The following FBXL2 variants were observed in gnomAD, a reference collection of about 807,000 sequenced individuals.
FBXL2 encodes the protein F-box/LRR-repeat protein 2.
A neutral mutation model predicts 69.2 loss-of-function variants in FBXL2; 38 were observed. That is an observed-to-expected ratio of 0.55 (90% CI 0.42 to 0.72). FBXL2 has a LOEUF of 0.72. Among genes scored for constraint, FBXL2 ranks in the 30% least tolerant of loss-of-function variants. The pLI is 0.00. For synonymous variants in FBXL2, 192 were observed against 201.3 expected, an observed-to-expected ratio of 0.95 and a Z score of 0.39; for missense variants, 354 against 520.3, an observed-to-expected ratio of 0.68 and a Z score of 3.11.
intron 1 of FBXL2, among the ~76,000 whole-genome samples, chr3:33,290,503 G>T (rs903764730): frequency 2.0e-5 from 3 of 152,176 alleles, no homozygotes; most frequent in African/African-American, 7.2e-5. Flanking sequence ...TGGATAAACA[G>T]AGAAAATTTC....
At chr3:33,314,535 T>C (rs1178230573) in intron 2 of FBXL2, among the ~76,000 whole-genome samples, 1 of 152,232 alleles carries the variant, frequency 6.6e-6, no homozygotes, top group Non-Finnish European at 1.5e-5. Flanking sequence ...ATAGTTAAAA[T>C]GTGGAATCTA....
chr3:33,341,693 G>A (rs1282318723), intron 2 of FBXL2, among the ~76,000 whole-genome samples: 1 of 151,882 alleles, frequency 6.6e-6, no homozygotes, highest in African/African-American at 2.4e-5. Context: ...AGCCGATCAT[G>A]GTGGTGGGTG....
intron 1 of FBXL2, among the ~76,000 whole-genome samples, chr3:33,286,343 C>T (rs1029287648): frequency 4.6e-5 from 7 of 152,214 alleles, no homozygotes; most frequent in Admixed American, 1.3e-4. Context: ...GCGGAGGCAT[C>T]AGAACAGCAA....
chr3:33,297,740 A>T lies in FBXL2; in HGVS notation c.65+15A>T, dbSNP rs1200878324. On this transcript the variant is annotated intron_variant, in intron 2 of 14. Transcript: ENST00000484457. ...CTTCTGTTAAGGTAAATGTAGATAAATTCTGGATGAAGAGTTTAGATCTGA... is the reference window on the plus strand; with the variant it reads ...CTTCTGTTAAGGTAAATGTAGATAATTTCTGGATGAAGAGTTTAGATCTGA... 5 of 1,452,714 alleles carry T rather than the reference A, an allele frequency of 3.4e-6. No homozygotes were observed. The highest frequency in any genetic ancestry group is 3.8e-6 in the Non-Finnish European group (4 of 1,046,432). 90.0% of individuals were successfully genotyped at this position (1,452,714 alleles called of 1,614,324 possible). A position where few individuals can be genotyped will look rare whatever the true frequency, so the allele number is the denominator to read the frequency against.
intron 1 of FBXL2, among the ~76,000 whole-genome samples, chr3:33,284,710 C>T (rs1040517241): frequency 2.0e-5 from 3 of 152,124 alleles, no homozygotes; most frequent in African/African-American, 7.2e-5. Flanking sequence ...TAAAGACTTG[C>T]TTTATGAATC....
intron 5 of FBXL2, among the ~76,000 whole-genome samples, chr3:33,369,153 G>A (rs957798200): frequency 2.6e-5 from 4 of 151,754 alleles, no homozygotes; most frequent in Non-Finnish European, 5.9e-5. Flanking sequence ...CTGGGTTCAA[G>A]CGATTCTCGT....
chr3:33,381,565 G>C (rs980552158), intron 13 of FBXL2, among the ~76,000 whole-genome samples: 5 of 151,502 alleles, frequency 3.3e-5, no homozygotes, highest in African/African-American at 1.2e-4. Context: ...TGGAGGTTGC[G>C]TTGAGCCGAG....
intron 2 of FBXL2, among the ~76,000 whole-genome samples, chr3:33,299,801 G>A (rs2036104304): frequency 6.6e-6 from 1 of 152,060 alleles, no homozygotes; most frequent in Non-Finnish European, 1.5e-5. Context: ...ATGTTCTTTG[G>A]CATTTTTGAC....
At chr3:33,396,979 G>T in intron 12 of FBXL2, 1 of 1,444,814 alleles carries the variant, frequency 6.9e-7, no homozygotes, top group Non-Finnish European at 9.7e-7. Context: ...AACACATTCT[G>T]CCCAAATTCC....
At chr3:33,381,464 G>A (rs1053471842) in intron 13 of FBXL2, among the ~76,000 whole-genome samples, 1 of 152,014 alleles carries the variant, frequency 6.6e-6, no homozygotes, top group African/African-American at 2.4e-5. Flanking sequence ...GACCAACATG[G>A]AGAAACCCCG....
At chr3:33,374,695 C>G (rs186770785) in intron 9 of FBXL2, among the ~76,000 whole-genome samples, 7 of 152,058 alleles carry the variant, frequency 4.6e-5, no homozygotes, top group Admixed American at 4.6e-4. Flanking sequence ...TATAGATGTG[C>G]GTGTTTATTT....
intron 2 of FBXL2, among the ~76,000 whole-genome samples, chr3:33,310,640 G>A (rs1175370393): frequency 1.3e-5 from 2 of 151,752 alleles, no homozygotes; most frequent in East Asian, 1.9e-4. Context: ...TTTTTGTAAG[G>A]TAGGTCTGAT....
chr3:33,313,002 C>T (rs765628857), intron 2 of FBXL2, among the ~76,000 whole-genome samples: 8 of 152,004 alleles, frequency 5.3e-5, no homozygotes, highest in Non-Finnish European at 1.0e-4. Flanking sequence ...CCTCTGTAGT[C>T]CCAGCTACTT....
intron 1 of FBXL2, among the ~76,000 whole-genome samples, chr3:33,282,230 A>G (rs13074148): frequency 3.3e-5 from 5 of 152,038 alleles, no homozygotes; most frequent in East Asian, 1.9e-4. Flanking sequence ...TGTATAAGGT[A>G]TAAGGAAGGG....
intron 12 of FBXL2, among the ~76,000 whole-genome samples, chr3:33,395,071 A>G (rs1468500381): frequency 6.6e-6 from 1 of 152,188 alleles, no homozygotes; most frequent in Non-Finnish European, 1.5e-5. Context: ...CCAAAATATT[A>G]TAATCTTGGC....
At chr3:33,394,061 G>A (rs929593784) in intron 12 of FBXL2, among the ~76,000 whole-genome samples, 7 of 151,708 alleles carry the variant, frequency 4.6e-5, no homozygotes, top group African/African-American at 1.7e-4. Flanking sequence ...TTGTTGCCCA[G>A]GCTGGAGTGC....
rs756268992 is a variant in FBXL2, at chr3:33,359,036, A to C, written c.120+15A>C. 1 of 1,492,308 alleles carries C rather than the reference A, an allele frequency of 6.7e-7. No homozygotes were observed. Among genetic ancestry groups the C allele is most frequent in the South Asian group, 1.4e-5 (1 of 71,694 alleles). 92.4% of individuals were successfully genotyped at this position (1,492,308 alleles called of 1,614,324 possible). A position where few individuals can be genotyped will look rare whatever the true frequency, so the allele number is the denominator to read the frequency against. ...AGATTTCCAAGGTAGAGTATTCACCAGATTTTTTAATCAATAAATATCAAG... is the reference window on the plus strand; with the variant it reads ...AGATTTCCAAGGTAGAGTATTCACCCGATTTTTTAATCAATAAATATCAAG... On this transcript the variant is annotated intron_variant, in intron 3 of 14. Coordinates refer to ENST00000484457, the MANE Select transcript of FBXL2 (RefSeq NM_012157.5).
intron 7 of FBXL2, 53 bp downstream of exon 7, chr3:33,373,408 C>A: frequency 6.5e-7 from 1 of 1,535,954 alleles, no homozygotes; most frequent in Non-Finnish European, 9.0e-7. Context: ...TATGAACATT[C>A]TGGAAACCTT....
intron 5 of FBXL2, among the ~76,000 whole-genome samples, chr3:33,369,731 G>T (rs988553647): frequency 3.9e-5 from 6 of 152,066 alleles, no homozygotes; most frequent in African/African-American, 1.4e-4. Context: ...TTGTGCCTCA[G>T]CCTCCCAAGT....
Sources: allele counts gnomAD v4.1 joint callset (sites outside exome capture counted in the v4.1 genomes callset), GRCh38; gene constraint gnomAD v4.1.1; transcripts MANE v1.5; gene names NCBI Gene and HGNC (gene_info 2026-07-23, HGNC 2026-07-21).